The following CACNA2D1 variants were observed in gnomAD, a reference collection of about 807,000 sequenced individuals.
The protein encoded by CACNA2D1 is calcium voltage-gated channel auxiliary subunit alpha2delta 1.
In CACNA2D1, 53 loss-of-function variants were observed where a neutral mutation model predicts 171.5. The ratio of observed to expected loss-of-function variants is 0.31; its 90% CI spans 0.25 to 0.39. CACNA2D1 has a LOEUF of 0.39. CACNA2D1 is among the 10% of genes least tolerant of loss of function. The probability of loss-of-function intolerance (pLI) is 1.00; values close to 1 mark genes in which losing one functional copy is unlikely to be tolerated. For synonymous variants in CACNA2D1, 442 were observed against 443.1 expected (o/e 1.00, Z 0.03); for missense variants, 903 against 1,299.8 (o/e 0.69, Z 4.69).
chr7:82,026,417 A>C (rs999183112), intron 12 of CACNA2D1, among the ~76,000 whole-genome samples: 5 of 151,688 alleles, frequency 3.3e-5, no homozygotes, highest in African/African-American at 1.2e-4. Flanking sequence ...ATTTAAAAAA[A>C]GTTTTTTTAA....
intron 1 of CACNA2D1, among the ~76,000 whole-genome samples, chr7:82,400,205 G>C (rs912634746): frequency 1.3e-5 from 2 of 151,230 alleles, no homozygotes; most frequent in Non-Finnish European, 2.9e-5. Context: ...GGTTCCATAT[G>C]AACTTTAAAG....
intron 11 of CACNA2D1, among the ~76,000 whole-genome samples, chr7:82,035,846 GGTTA>G (rs536209135): frequency 1.8e-4 from 27 of 151,968 alleles, no homozygotes; most frequent in Non-Finnish European, 3.5e-4. Context: ...TTAATCTAAC[GGTTA>G]ATTACAGTAC....
intron 3 of CACNA2D1, among the ~76,000 whole-genome samples, chr7:82,180,264 T>C (rs1420661536): frequency 2.0e-5 from 3 of 152,188 alleles, no homozygotes; most frequent in Admixed American, 2.0e-4. Context: ...CAGACCCCTT[T>C]AGATGACTGG....
At chr7:82,289,598 C>T (rs369482156) in intron 3 of CACNA2D1, among the ~76,000 whole-genome samples, 55 of 152,302 alleles carry the variant, frequency 3.6e-4, no homozygotes, top group African/African-American at 1.2e-3. Context: ...ATGACTCTCA[C>T]TGACTTAAGG....
At chr7:82,272,547 T>A (rs575746909) in intron 3 of CACNA2D1, among the ~76,000 whole-genome samples, 30 of 152,274 alleles carry the variant, frequency 2.0e-4, no homozygotes, top group African/African-American at 6.3e-4. Flanking sequence ...AATTGCTCAC[T>A]GTTGGGGAAG....
chr7:82,142,285 T>C (rs1306610037), intron 4 of CACNA2D1, among the ~76,000 whole-genome samples: 1 of 152,212 alleles, frequency 6.6e-6, no homozygotes, highest in Non-Finnish European at 1.5e-5. Flanking sequence ...ATAATACTGC[T>C]GCTTACTGAA....
chr7:82,061,787 C>T (rs79876818), intron 9 of CACNA2D1, among the ~76,000 whole-genome samples: 7,172 of 152,126 alleles, frequency 0.047, 546 homozygotes, highest in African/African-American at 0.16. Context: ...GTGCTGCTAA[C>T]TGGTTGAAGA....
rs1248731716 is a variant in CACNA2D1, at chr7:82,443,350, G to A, written c.95+15C>T. ...GCCCCTCGGCCGGCGCTCCCTGCCC[G>A]GCCCGCCGACTTACGTGACGGCCGA... On this transcript the variant is annotated intron_variant, in intron 1 of 38. Coordinates refer to ENST00000356860, the MANE Select transcript of CACNA2D1 (RefSeq NM_000722.4). 1.3e-6 allele frequency: 2 copies of A among 1,587,374 alleles called. No homozygotes were observed. The highest frequency in any genetic ancestry group is 1.4e-5 in the African/African-American group (1 of 72,920).
At chr7:82,133,947 C>A (rs1791307358) in intron 5 of CACNA2D1, among the ~76,000 whole-genome samples, 1 of 151,992 alleles carries the variant, frequency 6.6e-6, no homozygotes, top group African/African-American at 2.4e-5. Flanking sequence ...GTGGCGGGCG[C>A]CTGTAGTCCC....
At chr7:82,105,575 A>G (rs1181081048) in intron 6 of CACNA2D1, among the ~76,000 whole-genome samples, 2 of 152,016 alleles carry the variant, frequency 1.3e-5, no homozygotes, top group Non-Finnish European at 2.9e-5. Flanking sequence ...TACTATCTCC[A>G]TATAAAATTT....
intron 3 of CACNA2D1, among the ~76,000 whole-genome samples, chr7:82,191,100 C>T (rs912203173): frequency 6.6e-6 from 1 of 151,500 alleles, no homozygotes. Context: ...TTCTCTCATC[C>T]CAAACTCACA....
intron 1 of CACNA2D1, among the ~76,000 whole-genome samples, chr7:82,389,766 TA>T (rs1388940170): frequency 5.3e-5 from 8 of 152,192 alleles, no homozygotes; most frequent in Non-Finnish European, 8.8e-5. Flanking sequence ...TAATATGAAC[TA>T]AGGTATATAT....
At chr7:82,171,391 G>A (rs1299937955) in intron 3 of CACNA2D1, among the ~76,000 whole-genome samples, 1 of 151,890 alleles carries the variant, frequency 6.6e-6, no homozygotes, top group Non-Finnish European at 1.5e-5. Flanking sequence ...TTCTCCATGT[G>A]ATAGGCTTTC....
Position 82,226,063 on chromosome 7 carries a change from T to C in CACNA2D1, c.295-55454A>G, listed in dbSNP as rs532320776. Among the ~76,000 whole-genome samples the C allele has an allele frequency of 7.9e-5, 12 of 152,338 alleles. No homozygotes were observed. The South Asian group carries it at 2.5e-3, about 32-fold the overall frequency. On this transcript the variant is annotated intron_variant, in intron 3 of 38. Transcript: ENST00000356860. ...GAAATGTATCAAATAGGAAATCATT[T>C]AAAACAAATGTCCTAGGTAGTTGTC...
intron 1 of CACNA2D1, among the ~76,000 whole-genome samples, chr7:82,359,873 T>G (rs4728502): frequency 0.54 from 82,094 of 151,992 alleles, 23,589 homozygotes; most frequent in East Asian, 0.66. Flanking sequence ...TAATATCTAT[T>G]GAGCACCTAT....
At chr7:81,970,939 G>A in intron 26 of CACNA2D1, 1 of 559,464 alleles carries the variant, frequency 1.8e-6, no homozygotes, top group Non-Finnish European at 3.2e-6. Flanking sequence ...AGGAAATAAT[G>A]ACTGAGGTGC....
chr7:82,282,375 G>A (rs1376317639), intron 3 of CACNA2D1, among the ~76,000 whole-genome samples: 1 of 152,156 alleles, frequency 6.6e-6, no homozygotes, highest in Admixed American at 6.5e-5. Context: ...ATCTAGGGAA[G>A]TTGGGGAATA....
intron 10 of CACNA2D1, among the ~76,000 whole-genome samples, chr7:82,060,179 A>ATATATATATATTATATATATAT (rs1169800337): frequency 4.3e-5 from 1 of 23,346 alleles, no homozygotes; most frequent in African/African-American, 2.3e-4. Context: ...TATATATATA[A>ATATATATATATTATATATATAT]TATATATATA....
intron 3 of CACNA2D1, among the ~76,000 whole-genome samples, chr7:82,235,907 T>C (rs556653562): frequency 6.6e-6 from 1 of 152,220 alleles, no homozygotes; most frequent in Admixed American, 6.5e-5. Flanking sequence ...AAATGGATAT[T>C]TCCATGACTC....
Sources: allele counts gnomAD v4.1 joint callset (sites outside exome capture counted in the v4.1 genomes callset), GRCh38; gene constraint gnomAD v4.1.1; transcripts MANE v1.5; gene names NCBI Gene and HGNC (gene_info 2026-07-23, HGNC 2026-07-21).